Variants in RCHY1 observed in about 807,000 individuals in gnomAD.
RCHY1 encodes RING finger and CHY zinc finger domain-containing protein 1.
Under a neutral mutation model 41.6 loss-of-function variants are expected in RCHY1, and 21 were observed. The observed-to-expected ratio is 0.51, with a 90% CI of 0.36 to 0.73. The LOEUF is 0.73. Ranked by LOEUF, RCHY1 falls within the 30% of genes least tolerant of loss-of-function variation. The pLI is 0.00. For missense variants in RCHY1, 265 were observed against 325.3 expected, an observed-to-expected ratio of 0.81 and a Z score of 1.43; for synonymous variants, 79 against 102.9, an observed-to-expected ratio of 0.77 and a Z score of 1.41.
Position 75,479,969 on chromosome 4 carries a change from T to A in RCHY1, c.*2569A>T, listed in dbSNP as rs1277772854. ...TTCTTTCTTATAGAGGTATAACCTA[T>A]ACTTATGAAGTCAGAGAAAGAAAAA... On this transcript the variant is annotated 3_prime_UTR_variant, in exon 9 of 9. Transcript: ENST00000324439. 6.6e-6 allele frequency: 1 copy of A among 152,224 alleles called. No individual in the cohort carries two copies. The allele number at this position is 152,224 out of a possible 1,614,324, so 9.4% of individuals were successfully genotyped here. A position where few individuals can be genotyped will look rare whatever the true frequency, so the allele number is the denominator to read the frequency against.
Position 75,482,460 on chromosome 4 carries a change from A to T in RCHY1, c.*78T>A, listed in dbSNP as rs948179352. ...CATCAACTCTAATGCATAGATGACGACACATGATAACACGATACCAAGGAA... is the reference window on the plus strand; with the variant it reads ...CATCAACTCTAATGCATAGATGACGTCACATGATAACACGATACCAAGGAA... On this transcript the variant is annotated 3_prime_UTR_variant, in exon 9 of 9. Coordinates refer to ENST00000324439, the MANE Select transcript of RCHY1 (RefSeq NM_015436.4). The T allele has an allele frequency of 7.3e-7, 1 of 1,361,602 alleles. No homozygotes were observed. The highest frequency in any genetic ancestry group is 2.4e-5 in the East Asian group (1 of 41,116). 84.3% of individuals were successfully genotyped at this position (1,361,602 alleles called of 1,614,324 possible). A position where few individuals can be genotyped will look rare whatever the true frequency, so the allele number is the denominator to read the frequency against.
rs1367697430 is a variant in RCHY1 at position 75,482,385 on chromosome 4, T to G, written c.*153A>C. 1 of 547,008 alleles carries G rather than the reference T, an allele frequency of 1.8e-6. No individual in the cohort carries two copies. Among genetic ancestry groups the G allele is most frequent in the African/African-American group, 1.9e-5 (1 of 51,324 alleles). 33.9% of individuals were successfully genotyped at this position (547,008 alleles called of 1,614,324 possible). A position where few individuals can be genotyped will look rare whatever the true frequency, so the allele number is the denominator to read the frequency against. On this transcript the variant is annotated 3_prime_UTR_variant, in exon 9 of 9. Transcript: ENST00000324439. ...GATAAGTCTATCAAGAGACCCTGAA[T>G]CCTTACGTACTTGTAATATGATTTT...
At chr4:75,510,861 T>G (rs1246171360) in intron 1 of RCHY1, among the ~76,000 whole-genome samples, 2 of 152,210 alleles carry the variant, frequency 1.3e-5, no homozygotes. Flanking sequence ...AACAGCTGAA[T>G]TCTTCTATCT....
intron 8 of RCHY1, 21 bp from the exon 9 acceptor site, chr4:75,482,687 A>G: frequency 1.3e-6 from 2 of 1,569,782 alleles, no homozygotes; most frequent in Non-Finnish European, 1.7e-6. Context: ...ATTAATTCAA[A>G]TTAAGTATTT....
intron 8 of RCHY1, among the ~76,000 whole-genome samples, chr4:75,487,590 A>AT (rs1722205452): frequency 1.1e-5 from 1 of 90,180 alleles, no homozygotes; most frequent in Non-Finnish European, 1.9e-5. Flanking sequence ...ATATATATTC[A>AT]TAATATATAT....
Position 75,486,626 on chromosome 4 carries a change from C to G in RCHY1, c.657+3955G>C, listed in dbSNP as rs1722030016. Among the ~76,000 whole-genome samples the G allele has an allele frequency of 3.3e-5, 5 of 152,032 alleles. No individual in the cohort carries two copies. The South Asian group carries it at 8.3e-4, about 25-fold the overall frequency. On this transcript the variant is annotated intron_variant, in intron 8 of 8. Transcript: ENST00000324439. ...TAGTTAATATATGTAATTAAAACTA[C>G]TAGATGTAAGAAAAACAATTCCCTA...
At chr4:75,504,391 C>A (rs1355629862) in intron 3 of RCHY1, among the ~76,000 whole-genome samples, 1 of 152,134 alleles carries the variant, frequency 6.6e-6, no homozygotes, top group Non-Finnish European at 1.5e-5. Flanking sequence ...TCAGCCTACT[C>A]AACATGAAGA....
At chr4:75,497,040 A>C (rs1284264431) in intron 3 of RCHY1, among the ~76,000 whole-genome samples, 1 of 152,164 alleles carries the variant, frequency 6.6e-6, no homozygotes, top group Non-Finnish European at 1.5e-5. Flanking sequence ...TAAAAACTAC[A>C]ATGTCTGAGA....
chr4:75,509,417 C>G (rs899859443), intron 1 of RCHY1, 121 bp from the exon 2 acceptor site: 1 of 841,524 alleles, frequency 1.2e-6, no homozygotes, highest in African/African-American at 1.7e-5. Flanking sequence ...ACCAATAGAT[C>G]AGTTGCTAAA....
chr4:75,512,001 AC>A (rs1262762441), intron 1 of RCHY1, among the ~76,000 whole-genome samples: 1 of 151,948 alleles, frequency 6.6e-6, no homozygotes, highest in African/African-American at 2.4e-5. Context: ...CTCCTCCCTA[AC>A]TTACTCCAAG....
intron 8 of RCHY1, among the ~76,000 whole-genome samples, chr4:75,486,628 A>G (rs984422682): frequency 4.6e-5 from 7 of 152,184 alleles, no homozygotes; most frequent in African/African-American, 1.7e-4. Flanking sequence ...TAAAACTACT[A>G]GATGTAAGAA....
At chr4:75,492,574 T>C (rs10518140) in intron 4 of RCHY1, among the ~76,000 whole-genome samples, 38,228 of 151,710 alleles carry the variant, frequency 0.25, 5,104 homozygotes, top group African/African-American at 0.33. Context: ...TAATGTCTGA[T>C]TAAATCCAAG....
intron 4 of RCHY1, among the ~76,000 whole-genome samples, chr4:75,492,348 C>T (rs1479338861): frequency 6.6e-6 from 1 of 151,928 alleles, no homozygotes. Context: ...TTGAAATTTA[C>T]TACATGCCAT....
intron 3 of RCHY1, among the ~76,000 whole-genome samples, chr4:75,500,383 G>A (rs1313568731): frequency 6.6e-6 from 1 of 152,056 alleles, no homozygotes; most frequent in Non-Finnish European, 1.5e-5. Flanking sequence ...GCTTATTCTT[G>A]TACATTACAG....
intron 3 of RCHY1, among the ~76,000 whole-genome samples, chr4:75,495,478 C>A (rs1723114291): frequency 6.6e-6 from 1 of 152,022 alleles, no homozygotes; most frequent in Non-Finnish European, 1.5e-5. Context: ...AGACTATTTT[C>A]CAACATACCT....
chr4:75,484,059 T>C (rs1428596539), intron 8 of RCHY1, among the ~76,000 whole-genome samples: 2 of 152,220 alleles, frequency 1.3e-5, no homozygotes, highest in East Asian at 1.9e-4. Context: ...GAATCTATTC[T>C]GGTTCAGGGC....
chr4:75,504,128 T>C (rs1405796179), intron 3 of RCHY1, among the ~76,000 whole-genome samples: 2 of 152,214 alleles, frequency 1.3e-5, no homozygotes, highest in East Asian at 3.8e-4. Context: ...GTATTGCATT[T>C]TGATGATACA....
Position 75,514,254 on chromosome 4 carries a change from G to A in RCHY1, c.33C>T (p.Ser11=). 1 of 1,612,348 alleles carries A rather than the reference G, an allele frequency of 6.2e-7. No homozygotes were observed. Among genetic ancestry groups the A allele is most frequent in the Middle Eastern group, 1.7e-4 (1 of 6,032 alleles). Residue 11 remains serine (S), a synonymous_variant, in exon 1 of 9, where the codon AGC becomes AGT. Coordinates refer to ENST00000324439, the MANE Select transcript of RCHY1 (RefSeq NM_015436.4). MAATAREDGA[S]GQERGQRGCE... is the part of the protein sequence containing the mutation. ...AGCCCCGCTGACCTCGCTCTTGACC[G>A]CTGGCGCCATCTTCCCGGGCCGTCG...
Position 75,491,923 on chromosome 4 carries a change from T to C in RCHY1, c.416A>G (p.Asn139Ser), listed in dbSNP as rs142893367. The change falls in exon 5 of 9, where the codon AAT becomes AGT. Residue 139 changes from asparagine to serine, a missense_variant. Coordinates refer to ENST00000324439, the MANE Select transcript of RCHY1 (RefSeq NM_015436.4). Reference protein sequence around the residue: ...NLQGRHKCIENVSRQNCPICL... With the variant: ...NLQGRHKCIESVSRQNCPICL... ...TATTGGACAATTCTGTCGGGACACATTTTCAATACACTGTTTAAAAGAGAA... is the reference window on the plus strand; with the variant it reads ...TATTGGACAATTCTGTCGGGACACACTTTCAATACACTGTTTAAAAGAGAA... The C allele has an allele frequency of 1.4e-5, 23 of 1,605,392 alleles. No homozygotes were observed. Among genetic ancestry groups the C allele is most frequent in the Non-Finnish European group, 1.8e-5 (21 of 1,176,510 alleles).
Sources: gnomAD v4.1 joint callset for allele counts (sites outside exome capture counted in the v4.1 genomes callset) on GRCh38, gnomAD v4.1.1 for gene constraint, MANE v1.5 for transcripts, NCBI Gene and HGNC (gene_info 2026-07-23, HGNC 2026-07-21) for gene names.